FARS2: variants seen among roughly 807,000 people sequenced by gnomAD.
The protein encoded by FARS2 is phenylalanine--tRNA ligase, mitochondrial.
In FARS2, 40 loss-of-function variants were observed where a neutral mutation model predicts 46.4. The observed-to-expected ratio is 0.86, with a 90% CI of 0.67 to 1.12. The LOEUF (loss-of-function observed/expected upper bound fraction) is 1.12. FARS2 is among the 50% of genes most tolerant of loss of function. FARS2 has a pLI of 0.00. For synonymous variants in FARS2, 234 were observed against 214.9 expected, an observed-to-expected ratio of 1.09 and a Z score of -0.78; for missense variants, 513 against 567.9, an observed-to-expected ratio of 0.90 and a Z score of 0.98.
rs564415559 is a variant in FARS2 at position 5,482,673 on chromosome 6, G to C, written c.904+51501G>C. 5.6e-4 allele frequency among the ~76,000 whole-genome samples: 85 copies of C among 152,142 alleles called. 1 individual carries two copies. Among genetic ancestry groups the C allele is most frequent in the South Asian group, 2.1e-4 (1 of 4,824 alleles). The stretch of plus-strand genomic sequence containing the variant: ...GAGCAGCACCCATTTGAAAATCACT[G>C]TGATGAGCACTGCAAGGTGCTGGGG... On this transcript the variant is annotated intron_variant, in intron 4 of 6. Coordinates refer to ENST00000274680, the MANE Select transcript of FARS2 (RefSeq NM_006567.5).
chr6:5,362,275 C>T (rs1758353344), intron 1 of FARS2, among the ~76,000 whole-genome samples: 1 of 152,066 alleles, frequency 6.6e-6, no homozygotes, highest in Non-Finnish European at 1.5e-5. Context: ...CTGTTTTTTA[C>T]CTTCATTGTT....
intron 4 of FARS2, among the ~76,000 whole-genome samples, chr6:5,544,080 C>A (rs1252573022): frequency 1.3e-5 from 2 of 151,968 alleles, no homozygotes; most frequent in Non-Finnish European, 2.9e-5. Context: ...TCAGCTCACT[C>A]CAGCTATTGG....
At chr6:5,561,347 T>C (rs1185803017) in intron 5 of FARS2, among the ~76,000 whole-genome samples, 1 of 152,070 alleles carries the variant, frequency 6.6e-6, no homozygotes, top group African/African-American at 2.4e-5. Flanking sequence ...TGAGTATTTG[T>C]TTCTGTGAGG....
intron 1 of FARS2, among the ~76,000 whole-genome samples, chr6:5,308,334 AG>A (rs1258867562): frequency 6.6e-6 from 1 of 152,192 alleles, no homozygotes; most frequent in African/African-American, 2.4e-5. Flanking sequence ...TTTGAGTTGC[AG>A]GCATGTGATT....
At chr6:5,283,123 A>C (rs1766857347) in intron 1 of FARS2, among the ~76,000 whole-genome samples, 1 of 152,154 alleles carries the variant, frequency 6.6e-6, no homozygotes, top group Non-Finnish European at 1.5e-5. Flanking sequence ...CTGTAATCCC[A>C]GCATTTTGGG....
chr6:5,539,716 G>C (rs1582395797), intron 4 of FARS2, among the ~76,000 whole-genome samples: 1 of 152,148 alleles, frequency 6.6e-6, no homozygotes, highest in East Asian at 1.9e-4. Flanking sequence ...AAGACTCATT[G>C]ATGTTAAGCC....
At chr6:5,716,819 G>A (rs181671883) in intron 6 of FARS2, among the ~76,000 whole-genome samples, 49 of 152,344 alleles carry the variant, frequency 3.2e-4, no homozygotes, top group Admixed American at 9.1e-4. Context: ...ATATGGGGGA[G>A]GGGGAATGGA....
At position 5,371,749 on chromosome 6, in the gene FARS2, A is replaced by AC. The variant is rs1759078441; in HGVS notation, c.612+2567_612+2568insC. Among the ~76,000 whole-genome samples, 3 of 152,126 alleles carry AC rather than the reference A, an allele frequency of 2.0e-5. No individual in the cohort carries two copies. The South Asian group carries it at 6.2e-4, about 31-fold the overall frequency. Reference sequence around the variant, plus strand: ...AAACAGTTGGAGTAGAAAAGGAGGAATGTAGAGCATGATCTCAATTTAACA... The same window carrying AC: ...AAACAGTTGGAGTAGAAAAGGAGGAACTGTAGAGCATGATCTCAATTTAACA... On this transcript the variant is annotated intron_variant, in intron 2 of 6. Transcript: ENST00000274680.
rs73360296 is a variant in FARS2 at position 5,641,646 on chromosome 6, G to A, written c.1217+28326G>A. Among the ~76,000 whole-genome samples, 681 of 152,294 alleles carry A rather than the reference G, an allele frequency of 4.5e-3. 6 individuals carry two copies. Among genetic ancestry groups the A allele is most frequent in the African/African-American group, 0.016 (662 of 41,544 alleles). ...AGCACCTAGGCTGCATTCACTGGAT[G>A]CCAAGGGCAGGTAATGAAACTCAGG... is the stretch of plus-strand genomic sequence containing the variant. On this transcript the variant is annotated intron_variant, in intron 6 of 6. Transcript: ENST00000274680.
chr6:5,450,010 CCTCT>C (rs1472552436), intron 4 of FARS2, among the ~76,000 whole-genome samples: 2 of 152,154 alleles, frequency 1.3e-5, no homozygotes, highest in African/African-American at 4.8e-5. Context: ...AAAAGTTGGC[CCTCT>C]GTATACATGG....
intron 4 of FARS2, among the ~76,000 whole-genome samples, chr6:5,528,207 A>G (rs1769592372): frequency 1.3e-5 from 2 of 152,218 alleles, no homozygotes; most frequent in Non-Finnish European, 2.9e-5. Context: ...GTATTTAAAA[A>G]AAAAAGAGAT....
intron 5 of FARS2, among the ~76,000 whole-genome samples, chr6:5,602,645 CAAAAAAAA>C (rs55712653): frequency 6.1e-4 from 44 of 72,200 alleles, no homozygotes; most frequent in Admixed American, 5.7e-3. Context: ...GACTCCGTCT[CAAAAAAAA>C]AAAAAAAAAA....
chr6:5,428,719 C>T (rs1219690765), intron 3 of FARS2, among the ~76,000 whole-genome samples: 1 of 152,142 alleles, frequency 6.6e-6, no homozygotes, highest in African/African-American at 2.4e-5. Context: ...GGCAGGGATA[C>T]AGGTGTATAA....
intron 4 of FARS2, among the ~76,000 whole-genome samples, chr6:5,462,334 TA>T (rs1270749345): frequency 6.6e-6 from 1 of 152,184 alleles, no homozygotes; most frequent in Non-Finnish European, 1.5e-5. Flanking sequence ...TATTTTCTTC[TA>T]GTCTGTGGCT....
chr6:5,537,438 T>TTGGAGATGTCCCGGGCCTCCTCTCGAGC (rs143569486), intron 4 of FARS2, among the ~76,000 whole-genome samples: 8 of 147,176 alleles, frequency 5.4e-5, no homozygotes, highest in South Asian at 2.2e-4. Flanking sequence ...TCCTCTCGAG[T>TTGGAGATGTCCCGGGCCTCCTCTCGAGC]TGGAGATGTC....
At chr6:5,559,671 T>C (rs6906374) in intron 5 of FARS2, among the ~76,000 whole-genome samples, 9,118 of 152,206 alleles carry the variant, frequency 0.06, 331 homozygotes, top group South Asian at 0.081. Context: ...TTCTAAAATG[T>C]ATATGGAAAT....
chr6:5,396,933 TATC>T (rs1439740159), intron 2 of FARS2, among the ~76,000 whole-genome samples: 1 of 152,154 alleles, frequency 6.6e-6, no homozygotes, highest in Non-Finnish European at 1.5e-5. Flanking sequence ...CCTGATTTGA[TATC>T]ATCCAGCCTA....
intron 5 of FARS2, among the ~76,000 whole-genome samples, chr6:5,584,486 C>A (rs1773510311): frequency 6.6e-6 from 1 of 152,088 alleles, no homozygotes; most frequent in Non-Finnish European, 1.5e-5. Flanking sequence ...AATGTGGTTT[C>A]AAAGGTCTTT....
At chr6:5,703,013 G>A (rs2150887179) in intron 6 of FARS2, among the ~76,000 whole-genome samples, 1 of 152,282 alleles carries the variant, frequency 6.6e-6, no homozygotes, top group African/African-American at 2.4e-5. Flanking sequence ...AGTGTTACGG[G>A]ATCCTTCTGC....
Sources: allele counts gnomAD v4.1 joint callset (sites outside exome capture counted in the v4.1 genomes callset), GRCh38; gene constraint gnomAD v4.1.1; transcripts MANE v1.5; gene names NCBI Gene and HGNC (gene_info 2026-07-23, HGNC 2026-07-21).